The following ROCK2 variants were observed in gnomAD, a reference collection of about 807,000 sequenced individuals.
ROCK2 encodes the protein Rho associated coiled-coil containing protein kinase 2.
Under a neutral mutation model 195.1 loss-of-function variants are expected in ROCK2, and 61 were observed. The ratio of observed to expected loss-of-function variants is 0.31; its 90% CI spans 0.25 to 0.39. ROCK2 has a LOEUF of 0.39. Among genes scored for constraint, ROCK2 ranks in the 10% least tolerant of loss-of-function variants. The pLI, the probability that ROCK2 is intolerant of heterozygous loss-of-function variation, is 1.00. For missense variants in ROCK2, 1,109 were observed against 1,637.4 expected, an observed-to-expected ratio of 0.68 and a Z score of 5.57; for synonymous variants, 504 against 545.5, an observed-to-expected ratio of 0.92 and a Z score of 1.06.
intron 1 of ROCK2, among the ~76,000 whole-genome samples, chr2:11,302,193 C>T (rs1448081173): frequency 3.3e-5 from 5 of 152,166 alleles, no homozygotes; most frequent in Non-Finnish European, 7.3e-5. Flanking sequence ...TGTTTCCCTG[C>T]CTCTAATCTC....
chr2:11,209,257 G>T (rs1243417709), intron 18 of ROCK2, among the ~76,000 whole-genome samples: 2 of 152,056 alleles, frequency 1.3e-5, no homozygotes, highest in African/African-American at 4.8e-5. Context: ...TTAAACCCTG[G>T]GTCTAACACT....
chr2:11,223,150 T>C (rs1453925751), intron 7 of ROCK2, among the ~76,000 whole-genome samples: 1 of 152,156 alleles, frequency 6.6e-6, no homozygotes, highest in Non-Finnish European at 1.5e-5. Flanking sequence ...CAGGTCTTAA[T>C]ATATAAATCG....
chr2:11,183,313 G>A lies in ROCK2; in HGVS notation c.*124C>T, dbSNP rs1041901637. 1.4e-6 allele frequency: 1 copy of A among 691,742 alleles called. No homozygotes were observed. The highest frequency in any genetic ancestry group is 2.5e-6 in the Non-Finnish European group (1 of 403,024). 42.9% of individuals were successfully genotyped at this position (691,742 alleles called of 1,614,324 possible). A position where few individuals can be genotyped will look rare whatever the true frequency, so the allele number is the denominator to read the frequency against. On this transcript the variant is annotated 3_prime_UTR_variant, in exon 33 of 33. Transcript: ENST00000315872. ...AAAAGGGGAACACATATATGTATGA[G>A]TGTATGTATCAGTCTCTCAGGAAAA...
intron 1 of ROCK2, among the ~76,000 whole-genome samples, chr2:11,318,903 C>T (rs1037524284): frequency 2.0e-5 from 3 of 152,266 alleles, no homozygotes; most frequent in East Asian, 3.9e-4. Flanking sequence ...TGTCAAAGAT[C>T]AGATAGTTGT....
chr2:11,191,431 G>A (rs1304341537), intron 32 of ROCK2, among the ~76,000 whole-genome samples: 1 of 152,076 alleles, frequency 6.6e-6, no homozygotes, highest in African/African-American at 2.4e-5. Context: ...GCTAATATTT[G>A]CATTTTTAAA....
chr2:11,214,970 TAG>T lies in ROCK2; in HGVS notation c.1804_1805del (p.Leu602ThrfsTer3), dbSNP rs1328263947. 6.2e-7 allele frequency: 1 copy of T among 1,614,018 alleles called. No individual in the cohort carries two copies. The highest frequency in any genetic ancestry group is 8.5e-7 in the Non-Finnish European group (1 of 1,180,014). On this transcript the variant is annotated frameshift_variant, in exon 16 of 33. Transcript: ENST00000315872. LOFTEE classifies it high-confidence loss of function. Reference sequence around the variant, plus strand: ...TCTCCAGCAGGCAGTTTTTATCTTGTAGATCTCTATTGTTAGATTCCAGCTGC... The same window carrying T: ...TCTCCAGCAGGCAGTTTTTATCTTGTATCTCTATTGTTAGATTCCAGCTGC... ...IQQLESNNRD[L>X]QDKNCLLETA...
rs1664850583 is a variant in ROCK2, at chr2:11,227,326, C to T, written c.796G>A (p.Gly266Arg). 1 of 1,613,844 alleles carries T rather than the reference C, an allele frequency of 6.2e-7. No homozygotes were observed. The highest frequency in any genetic ancestry group is 8.5e-7 in the Non-Finnish European group (1 of 1,179,900). The change falls in exon 6 of 33, where the codon GGG (glycine) becomes AGG (arginine). Residue 266 changes from glycine (G) to arginine (R), a missense_variant. Gly to Arg is a moderately radical substitution (Grantham distance 125, BLOSUM62 -2). Coordinates refer to ENST00000315872, the MANE Select transcript of ROCK2 (RefSeq NM_004850.5). ...YISPEVLKSQGGDGFYGRECD... is the reference protein window; with the variant it reads ...YISPEVLKSQRGDGFYGRECD... ...TCTCGCCCATAGAAACCATCACCCC[C>T]TTGTGATTTCAGAACCTCAGGTGAT...
chr2:11,198,512 T>G lies in ROCK2; in HGVS notation c.3078A>C (p.Thr1026=), dbSNP rs765631934. The change falls in exon 25 of 33, where the codon ACA becomes ACC. Residue 1026 remains threonine (T), a synonymous_variant. Transcript: ENST00000315872. The part of the protein sequence containing the change: ...IKAQFEKQLL[T]ERTLKTQAVN... ...ATACTTGAGTTTTGAGTGTTCTTTC[T>G]GTTAATAGCTGCTTCTCAAACTGTG... The G allele has an allele frequency of 6.2e-7, 1 of 1,611,066 alleles. No individual in the cohort carries two copies. The highest frequency in any genetic ancestry group is 1.1e-5 in the South Asian group (1 of 90,932).
At chr2:11,248,802 T>C (rs768314697) in intron 4 of ROCK2, among the ~76,000 whole-genome samples, 6 of 147,556 alleles carry the variant, frequency 4.1e-5, no homozygotes, top group Non-Finnish European at 8.9e-5. Context: ...AAGGCAAAAT[T>C]AGGAGCCACA....
At chr2:11,317,612 A>ATATATTTTTTT (rs59701503) in intron 1 of ROCK2, among the ~76,000 whole-genome samples, 6 of 19,310 alleles carry the variant, frequency 3.1e-4, no homozygotes, top group Non-Finnish European at 4.1e-4. Context: ...ATATATATAT[A>ATATATTTTTTT]TTTTTTTTTT....
chr2:11,248,362 T>C (rs1004117733), intron 4 of ROCK2, among the ~76,000 whole-genome samples: 4 of 151,916 alleles, frequency 2.6e-5, no homozygotes, highest in African/African-American at 9.7e-5. Flanking sequence ...ATTTACTTAC[T>C]AGTATAAAAA....
At chr2:11,268,700 C>T (rs1377079909) in intron 3 of ROCK2, among the ~76,000 whole-genome samples, 1 of 152,160 alleles carries the variant, frequency 6.6e-6, no homozygotes, top group African/African-American at 2.4e-5. Flanking sequence ...TTCTCTTTTG[C>T]TGCTTTCAAA....
chr2:11,213,970 A>C (rs1303589998), intron 17 of ROCK2, among the ~76,000 whole-genome samples: 1 of 152,262 alleles, frequency 6.6e-6, no homozygotes, highest in African/African-American at 2.4e-5. Context: ...CTAACTGCAT[A>C]GACTCTAGAA....
intron 6 of ROCK2, among the ~76,000 whole-genome samples, 188 bp from the exon 7 acceptor site, chr2:11,224,648 A>G (rs1440726228): frequency 6.6e-6 from 1 of 152,208 alleles, no homozygotes; most frequent in East Asian, 1.9e-4. Flanking sequence ...TATATTTAAA[A>G]TTTAACACCA....
At chr2:11,210,461 C>G (rs890522808) in intron 18 of ROCK2, among the ~76,000 whole-genome samples, 1 of 151,890 alleles carries the variant, frequency 6.6e-6, no homozygotes, top group African/African-American at 2.4e-5. Context: ...GAGAGTCCTA[C>G]TCCCAAGTAG....
intron 1 of ROCK2, among the ~76,000 whole-genome samples, chr2:11,333,253 A>T (rs1328695193): frequency 6.6e-6 from 1 of 152,222 alleles, no homozygotes; most frequent in Non-Finnish European, 1.5e-5. Flanking sequence ...ATTCTCAACC[A>T]CCAGACTTTT....
intron 3 of ROCK2, among the ~76,000 whole-genome samples, chr2:11,251,931 T>C (rs1665843134): frequency 6.6e-6 from 1 of 152,146 alleles, no homozygotes. Context: ...TCACTGGTCA[T>C]TAGAGAAATG....
intron 3 of ROCK2, among the ~76,000 whole-genome samples, chr2:11,255,960 CTA>C (rs1407203643): frequency 1.9e-5 from 2 of 103,794 alleles, no homozygotes; most frequent in Non-Finnish European, 3.8e-5. Flanking sequence ...AAAAAGGAAA[CTA>C]TATGGAAGTC....
intron 20 of ROCK2, among the ~76,000 whole-genome samples, chr2:11,204,111 C>G (rs1273600778): frequency 6.6e-6 from 1 of 152,184 alleles, no homozygotes; most frequent in Non-Finnish European, 1.5e-5. Context: ...TCCACCCCTA[C>G]TAATCCTATT....
Sources: gnomAD v4.1 joint callset for allele counts (sites outside exome capture counted in the v4.1 genomes callset) on GRCh38, gnomAD v4.1.1 for gene constraint, MANE v1.5 for transcripts, NCBI Gene and HGNC (gene_info 2026-07-23, HGNC 2026-07-21) for gene names.